The following VPS26B variants were observed in gnomAD, a reference collection of about 807,000 sequenced individuals.
The protein encoded by VPS26B is vacuolar protein sorting-associated protein 26B.
VPS26B carries 10 observed loss-of-function variants against 33.3 expected under a neutral mutation model. The observed-to-expected ratio is 0.30, with a 90% CI of 0.19 to 0.51. The LOEUF (loss-of-function observed/expected upper bound fraction) is 0.51. VPS26B is among the 20% of genes least tolerant of loss of function. The probability of loss-of-function intolerance (pLI) is 0.98; values close to 1 mark genes in which losing one functional copy is unlikely to be tolerated. For missense variants in VPS26B, 317 were observed against 452.7 expected (o/e 0.70, Z 2.72); for synonymous variants, 190 against 176.9 (o/e 1.07, Z -0.59).
chr11:134,235,992 T>C (rs1216137244), intron 2 of VPS26B, among the ~76,000 whole-genome samples: 5 of 152,248 alleles, frequency 3.3e-5, no homozygotes, highest in South Asian at 4.1e-4. Flanking sequence ...ACAAGACCTT[T>C]AACTTCTTTT....
chr11:134,237,913 G>GGT (rs1938656806), intron 2 of VPS26B, among the ~76,000 whole-genome samples: 1 of 152,128 alleles, frequency 6.6e-6, no homozygotes, highest in African/African-American at 2.4e-5. Context: ...AAGAAAGTAT[G>GGT]GTAGGTCAAG....
intron 1 of VPS26B, among the ~76,000 whole-genome samples, chr11:134,233,441 C>T (rs751485459): frequency 1.1e-4 from 17 of 152,138 alleles, no homozygotes; most frequent in South Asian, 8.3e-4. Flanking sequence ...GAGCTTACCT[C>T]GGCCGGGCAC....
chr11:134,229,268 C>T (rs149832956), intron 1 of VPS26B, among the ~76,000 whole-genome samples: 221 of 152,266 alleles, frequency 1.5e-3, no homozygotes, highest in African/African-American at 4.9e-3. Context: ...AGCGATCCTC[C>T]TGCCTTGGCC....
intron 1 of VPS26B, among the ~76,000 whole-genome samples, chr11:134,232,066 A>G (rs1042380244): frequency 2.0e-5 from 3 of 152,356 alleles, no homozygotes; most frequent in Non-Finnish European, 4.4e-5. Flanking sequence ...AAACATCCTG[A>G]GTACAAAAGT....
intron 1 of VPS26B, among the ~76,000 whole-genome samples, chr11:134,233,310 G>T (rs1299495420): frequency 6.6e-6 from 1 of 152,188 alleles, no homozygotes; most frequent in Non-Finnish European, 1.5e-5. Flanking sequence ...CGCCTGCTCT[G>T]TGTTCCCAAT....
At position 134,245,329 on chromosome 11, in the gene VPS26B, A is replaced by G. The variant is rs1938793111; in HGVS notation, c.865-115A>G. ...TGGCAGCTGCTGCCTTTGGTGAGAGAGAAGCAGAGGAGGTCCTTGCCCGAG... is the reference window on the plus strand; with the variant it reads ...TGGCAGCTGCTGCCTTTGGTGAGAGGGAAGCAGAGGAGGTCCTTGCCCGAG... On this transcript the variant is annotated intron_variant, in intron 5 of 5. Coordinates refer to ENST00000281187, the MANE Select transcript of VPS26B (RefSeq NM_052875.5). The surrounding 1 kb of genome is among the most constrained non-coding windows in gnomAD (Gnocchi z 4.7). 6.8e-7 allele frequency: 1 copy of G among 1,470,594 alleles called. No homozygotes were observed. Among genetic ancestry groups the G allele is most frequent in the Admixed American group, 1.9e-5 (1 of 52,636 alleles). The allele number at this position is 1,470,594 out of a possible 1,614,324, so 91.1% of individuals were successfully genotyped here.
chr11:134,245,397 C>G lies in VPS26B; in HGVS notation c.865-47C>G. Reference sequence around the variant, plus strand: ...TGGGAGCCTCTAGGAAACCTGTCCCCATGCCTCCCTCTAAGGTGTCACATT... The same window carrying G: ...TGGGAGCCTCTAGGAAACCTGTCCCGATGCCTCCCTCTAAGGTGTCACATT... On this transcript the variant is annotated intron_variant, in intron 5 of 5. Coordinates refer to ENST00000281187, the MANE Select transcript of VPS26B (RefSeq NM_052875.5). This position sits in a 1 kb window ranked among gnomAD's most constrained non-coding sequence, Gnocchi z 4.7. 2 of 1,607,058 alleles carry G rather than the reference C, an allele frequency of 1.2e-6. No individual in the cohort carries two copies. Among genetic ancestry groups the G allele is most frequent in the Non-Finnish European group, 8.5e-7 (1 of 1,174,404 alleles).
At chr11:134,235,963 G>A (rs1252227522) in intron 2 of VPS26B, among the ~76,000 whole-genome samples, 1 of 152,110 alleles carries the variant, frequency 6.6e-6, no homozygotes, top group Admixed American at 6.5e-5. Context: ...GAGGACCTGA[G>A]TTTAGGATGG....
At chr11:134,235,472 T>G (rs1469838415) in intron 2 of VPS26B, 1 of 153,596 alleles carries the variant, frequency 6.5e-6, no homozygotes, top group Non-Finnish European at 1.4e-5. Context: ...AATTTAACTT[T>G]AAATAATTGC....
chr11:134,245,194 A>G lies in VPS26B; in HGVS notation c.864+114A>G, dbSNP rs1301829778. 1.5e-5 allele frequency: 22 copies of G among 1,428,318 alleles called. No homozygotes were observed. The highest frequency in any genetic ancestry group is 2.1e-5 in the Non-Finnish European group (22 of 1,071,624). The allele number at this position is 1,428,318 out of a possible 1,614,324, so 88.5% of individuals were successfully genotyped here. A position where few individuals can be genotyped will look rare whatever the true frequency, so the allele number is the denominator to read the frequency against. On this transcript the variant is annotated intron_variant, in intron 5 of 5. Coordinates refer to ENST00000281187, the MANE Select transcript of VPS26B (RefSeq NM_052875.5). This position sits in a 1 kb window ranked among gnomAD's most constrained non-coding sequence, Gnocchi z 4.7. ...AAGAGGTGGGAACATTAGGTCGCCC[A>G]CAATTGCACAACAAGAATGAGGATT...
In VPS26B at chr11:134,245,180, A is replaced by T; in HGVS notation, c.864+100A>T. 2 of 1,490,156 alleles carry T rather than the reference A, an allele frequency of 1.3e-6. No individual in the cohort carries two copies. Among genetic ancestry groups the T allele is most frequent in the Non-Finnish European group, 9.0e-7 (1 of 1,115,844 alleles). 92.3% of individuals were successfully genotyped at this position (1,490,156 alleles called of 1,614,324 possible). Reference sequence around the variant, plus strand: ...ACTCCATTTTTGCCAAGAGGTGGGAACATTAGGTCGCCCACAATTGCACAA... The same window carrying T: ...ACTCCATTTTTGCCAAGAGGTGGGATCATTAGGTCGCCCACAATTGCACAA... On this transcript the variant is annotated intron_variant, in intron 5 of 5. Transcript: ENST00000281187. This position sits in a 1 kb window ranked among gnomAD's most constrained non-coding sequence, Gnocchi z 4.7.
chr11:134,233,461 C>T (rs1442401018), intron 1 of VPS26B, among the ~76,000 whole-genome samples: 5 of 152,200 alleles, frequency 3.3e-5, no homozygotes, highest in African/African-American at 4.8e-5. Flanking sequence ...CGGTGGCTCG[C>T]GCCTGTAATC....
chr11:134,227,267 C>T (rs12290171), intron 1 of VPS26B, among the ~76,000 whole-genome samples: 4,147 of 152,310 alleles, frequency 0.027, 83 homozygotes, highest in Non-Finnish European at 0.042. Flanking sequence ...AGTAAATAGT[C>T]GAGAAATCCT....
In VPS26B at chr11:134,247,656, C is replaced by T. The variant is rs947249174; in HGVS notation, c.*2066C>T. On this transcript the variant is annotated 3_prime_UTR_variant, in exon 6 of 6. Transcript: ENST00000281187. ...TCAAGCAGTGCAACTTGTAATTAAGCAGCTGCAGTGTTTACATGTTTCTTA... is the reference window on the plus strand; with the variant it reads ...TCAAGCAGTGCAACTTGTAATTAAGTAGCTGCAGTGTTTACATGTTTCTTA... The T allele has an allele frequency of 1.3e-5, 2 of 153,170 alleles. No homozygotes were observed. The highest frequency in any genetic ancestry group is 4.8e-5 in the African/African-American group (2 of 41,428). 9.5% of individuals were successfully genotyped at this position (153,170 alleles called of 1,614,324 possible).
chr11:134,229,110 G>C (rs771830115), intron 1 of VPS26B, among the ~76,000 whole-genome samples: 14 of 152,144 alleles, frequency 9.2e-5, no homozygotes, highest in Admixed American at 2.6e-4. Flanking sequence ...GCTCACTGCA[G>C]CCTCAACCCC....
In VPS26B at chr11:134,231,960, C is replaced by T. The variant is rs559769268; in HGVS notation, c.224-2937C>T. 1.1e-4 allele frequency among the ~76,000 whole-genome samples: 16 copies of T among 152,322 alleles called. No individual in the cohort carries two copies. The South Asian group carries it at 3.3e-3, about 32-fold the overall frequency. ...CTTAGCCAAGCAGCAAAGCTCAGGG[C>T]GGCTGTCATGGGTGACCTGTGATGC... On this transcript the variant is annotated intron_variant, in intron 1 of 5. Transcript: ENST00000281187.
chr11:134,239,663 G>C (rs942679857), intron 2 of VPS26B: 4 of 354,522 alleles, frequency 1.1e-5, no homozygotes, highest in African/African-American at 2.1e-5. Flanking sequence ...GCCGTGAAAG[G>C]CCCAAGAATA....
At chr11:134,235,256 A>G (rs757816390) in intron 2 of VPS26B, 43 of 579,112 alleles carry the variant, frequency 7.4e-5, no homozygotes, top group Admixed American at 2.0e-4. Context: ...CAATTTCTGT[A>G]GTGTACATAG....
chr11:134,225,937 A>G (rs1211618420), intron 1 of VPS26B, among the ~76,000 whole-genome samples: 1 of 152,180 alleles, frequency 6.6e-6, no homozygotes. Flanking sequence ...GAAGACCCAT[A>G]ATCTTCAGTC....
Sources: allele counts gnomAD v4.1 joint callset (sites outside exome capture counted in the v4.1 genomes callset), GRCh38; gene constraint gnomAD v4.1.1; non-coding constraint Gnocchi (gnomAD v3.1); transcripts MANE v1.5; gene names NCBI Gene and HGNC (gene_info 2026-07-23, HGNC 2026-07-21).